The following SPON1 variants were observed in gnomAD, a reference collection of about 807,000 sequenced individuals.
The protein encoded by SPON1 is spondin-1.
A neutral mutation model predicts 111.7 loss-of-function variants in SPON1; 52 were observed. That is an observed-to-expected ratio of 0.47 (90% CI 0.37 to 0.59). SPON1 has a LOEUF of 0.59. Among genes scored for constraint, SPON1 ranks in the 20% least tolerant of loss-of-function variants. SPON1 has a pLI of 0.00. For missense variants in SPON1, 957 were observed against 1,068.5 expected, an observed-to-expected ratio of 0.90 and a Z score of 1.46; for synonymous variants, 410 against 395.8, an observed-to-expected ratio of 1.04 and a Z score of -0.43.
rs573998852 is a variant in SPON1, at chr11:14,018,850, TG to T, written c.346-22670del. Among the ~76,000 whole-genome samples the T allele has an allele frequency of 3.3e-5, 5 of 152,248 alleles. No homozygotes were observed. In the South Asian group the frequency reaches 1.0e-3, roughly 32 times the overall value. On this transcript the variant is annotated intron_variant, in intron 2 of 15. Coordinates refer to ENST00000576479, the MANE Select transcript of SPON1 (RefSeq NM_006108.4). ...AGTGGGCTGGAGGTTTTAGGATGGT[TG>T]AAAGATTTGAAAAGAAGCAGCAGCT...
intron 6 of SPON1, among the ~76,000 whole-genome samples, chr11:14,172,944 C>G (rs1321226238): frequency 6.6e-6 from 1 of 151,992 alleles, no homozygotes; most frequent in Non-Finnish European, 1.5e-5. Flanking sequence ...TTCATTTCAA[C>G]TTTGGTGAAT....
intron 14 of SPON1, among the ~76,000 whole-genome samples, chr11:14,262,187 A>G (rs1213109474): frequency 6.6e-6 from 1 of 152,174 alleles, no homozygotes; most frequent in Non-Finnish European, 1.5e-5. Flanking sequence ...ATAGACCACC[A>G]TATATAGAAC....
Position 14,004,800 on chromosome 11 carries a change from TTTTC to T in SPON1, c.345+21859_345+21862del, listed in dbSNP as rs202233479. Among the ~76,000 whole-genome samples the T allele has an allele frequency of 5.2e-3, 799 of 152,200 alleles. 9 individuals carry two copies. The highest frequency in any genetic ancestry group is 0.018 in the African/African-American group (735 of 41,530). ...TTGTTTTTTCAGTTCGTAGTTTTCC[TTTTC>T]TTTCTTTCTTTTTTCTGTGTGAGAC... On this transcript the variant is annotated intron_variant, in intron 2 of 15. Transcript: ENST00000576479.
intron 2 of SPON1, among the ~76,000 whole-genome samples, chr11:14,023,029 A>G (rs782476354): frequency 2.0e-5 from 3 of 152,146 alleles, no homozygotes; most frequent in Admixed American, 6.5e-5. Context: ...GACGACAGCC[A>G]AAGGGAACCA....
At chr11:14,243,209 C>A (rs1554939864) in intron 6 of SPON1, 123 bp from the exon 7 acceptor site, 1 of 883,580 alleles carries the variant, frequency 1.1e-6, no homozygotes, top group Non-Finnish European at 1.8e-6. Flanking sequence ...GGCTGTACAC[C>A]CAGGCAGGAA....
Position 14,242,103 on chromosome 11 carries a change from G to A in SPON1, c.826-1229G>A, listed in dbSNP as rs145685024. On this transcript the variant is annotated intron_variant, in intron 6 of 15. Coordinates refer to ENST00000576479, the MANE Select transcript of SPON1 (RefSeq NM_006108.4). ...ACCACCCAGCAGCCCCTTCCTGCAT[G>A]GTAAATGGGAAGCCATGGACCAGAA... is the stretch of plus-strand genomic sequence containing the variant. 6.5e-4 allele frequency among the ~76,000 whole-genome samples: 99 copies of A among 152,234 alleles called. 1 individual carries two copies. The East Asian group carries it at 0.019, about 29-fold the overall frequency.
At chr11:14,140,701 G>GT (rs1177425357) in intron 6 of SPON1, among the ~76,000 whole-genome samples, 1 of 151,936 alleles carries the variant, frequency 6.6e-6, no homozygotes, top group Non-Finnish European at 1.5e-5. Flanking sequence ...GGCCTCAGTA[G>GT]TTTTTTTTCT....
chr11:14,157,989 A>T (rs1847868866), intron 6 of SPON1, among the ~76,000 whole-genome samples: 1 of 151,972 alleles, frequency 6.6e-6, no homozygotes, highest in Non-Finnish European at 1.5e-5. Flanking sequence ...GTCTATTTCT[A>T]TTATTTGTTT....
intron 4 of SPON1, among the ~76,000 whole-genome samples, chr11:14,076,344 A>T (rs539830446): frequency 6.6e-6 from 1 of 152,304 alleles, no homozygotes; most frequent in South Asian, 2.1e-4. Context: ...ATCCTCTCCA[A>T]CTATAGCAAA....
intron 6 of SPON1, among the ~76,000 whole-genome samples, chr11:14,236,249 G>A (rs377028735): frequency 3.9e-5 from 6 of 152,214 alleles, no homozygotes; most frequent in Middle Eastern, 3.4e-3. Flanking sequence ...GGCAGGAGAC[G>A]GAAAGTGGTT....
intron 7 of SPON1, among the ~76,000 whole-genome samples, chr11:14,250,950 C>T (rs1319828106): frequency 6.6e-6 from 1 of 152,190 alleles, no homozygotes; most frequent in East Asian, 1.9e-4. Context: ...GAATCCATGG[C>T]ATGCCAAGTT....
At chr11:13,978,388 G>A (rs1848118740) in intron 1 of SPON1, among the ~76,000 whole-genome samples, 1 of 152,182 alleles carries the variant, frequency 6.6e-6, no homozygotes, top group Non-Finnish European at 1.5e-5. Flanking sequence ...GAACACTCAA[G>A]TAAATTTAAT....
intron 5 of SPON1, among the ~76,000 whole-genome samples, chr11:14,122,970 G>C (rs1288465853): frequency 1.6e-5 from 2 of 126,860 alleles, no homozygotes; most frequent in Non-Finnish European, 3.2e-5. Context: ...ATCTCCTTCT[G>C]TCACCCAGGC....
intron 1 of SPON1, among the ~76,000 whole-genome samples, chr11:13,971,655 G>A (rs1848064227): frequency 6.6e-6 from 1 of 151,888 alleles, no homozygotes; most frequent in Non-Finnish European, 1.5e-5. Context: ...AGAAAAGGTG[G>A]CCCTTTTCCT....
At chr11:14,040,049 G>A (rs1848621338) in intron 2 of SPON1, among the ~76,000 whole-genome samples, 1 of 152,138 alleles carries the variant, frequency 6.6e-6, no homozygotes, top group African/African-American at 2.4e-5. Context: ...AGGAAATTAG[G>A]AACACTAGTA....
At chr11:13,996,495 C>T (rs1591344702) in intron 2 of SPON1, among the ~76,000 whole-genome samples, 2 of 152,324 alleles carry the variant, frequency 1.3e-5, no homozygotes, top group South Asian at 2.1e-4. Flanking sequence ...GCAAGAAAGC[C>T]TGAGTCTGGG....
intron 4 of SPON1, among the ~76,000 whole-genome samples, chr11:14,079,013 GA>G (rs79686981): frequency 6.2e-4 from 93 of 151,016 alleles, no homozygotes; most frequent in African/African-American, 2.1e-3. Context: ...CAACTGCAAA[GA>G]AAAAAAAATT....
chr11:14,151,849 A>G (rs1337312831), intron 6 of SPON1, among the ~76,000 whole-genome samples: 2 of 152,210 alleles, frequency 1.3e-5, no homozygotes, highest in Non-Finnish European at 2.9e-5. Context: ...CCTCAACATT[A>G]TAACATGTCC....
intron 1 of SPON1, among the ~76,000 whole-genome samples, chr11:13,974,539 A>G (rs1221727643): frequency 6.6e-6 from 1 of 152,160 alleles, no homozygotes; most frequent in Admixed American, 6.5e-5. Flanking sequence ...CCAGAAAGCT[A>G]TTTGGTAATT....
Sources: gnomAD v4.1 joint callset for allele counts (sites outside exome capture counted in the v4.1 genomes callset) on GRCh38, gnomAD v4.1.1 for gene constraint, MANE v1.5 for transcripts, NCBI Gene and HGNC (gene_info 2026-07-23, HGNC 2026-07-21) for gene names.